Variants in MAPK9 observed in about 807,000 individuals in gnomAD.
MAPK9 encodes the protein mitogen-activated protein kinase 9, also known as Jun kinase.
A neutral mutation model predicts 57.1 loss-of-function variants in MAPK9; 30 were observed. The observed-to-expected ratio is 0.53, with a 90% CI of 0.39 to 0.71. The LOEUF is 0.71. Ranked by LOEUF, MAPK9 falls within the 30% of genes least tolerant of loss-of-function variation. The pLI is 0.00. For missense variants in MAPK9, 362 were observed against 521.0 expected (o/e 0.69, Z 2.97); for synonymous variants, 155 against 177.0 (o/e 0.88, Z 0.99).
chr5:180,275,640 A>T (rs1761741146), intron 2 of MAPK9, among the ~76,000 whole-genome samples: 1 of 152,108 alleles, frequency 6.6e-6, no homozygotes, highest in African/African-American at 2.4e-5. Flanking sequence ...TCACTAACTT[A>T]CTAGCTCTCT....
intron 5 of MAPK9, among the ~76,000 whole-genome samples, chr5:180,252,660 C>A (rs1274786270): frequency 6.6e-6 from 1 of 152,216 alleles, no homozygotes; most frequent in Non-Finnish European, 1.5e-5. Flanking sequence ...AGCGCCTCCG[C>A]TCCGGCTACA....
chr5:180,285,619 T>A (rs1762668865), intron 1 of MAPK9, among the ~76,000 whole-genome samples: 1 of 152,182 alleles, frequency 6.6e-6, no homozygotes, highest in Admixed American at 6.5e-5. Context: ...GACATTTTTT[T>A]CATTAAATTG....
chr5:180,287,108 C>G (rs1272350179), intron 1 of MAPK9: 1 of 152,194 alleles, frequency 6.6e-6, no homozygotes, highest in Non-Finnish European at 1.5e-5. Context: ...TAGATTAGTA[C>G]TTGCCAGCAG....
In MAPK9 at chr5:180,239,775, T is replaced by C. The variant is rs1004199269; in HGVS notation, c.1060+149A>G. On this transcript the variant is annotated intron_variant, in intron 10 of 11. Transcript: ENST00000452135. ...TAACTCTGTTCTCTTCAAGTTCATT[T>C]TCTACTGGAAACTGGGGAGAAAGAG... 1.1e-5 allele frequency: 8 copies of C among 701,394 alleles called. No homozygotes were observed. In the Admixed American group the frequency reaches 2.1e-4, roughly 19 times the overall value. The allele number at this position is 701,394 out of a possible 1,614,324, so 43.4% of individuals were successfully genotyped here.
chr5:180,268,054 G>A (rs138223485), intron 3 of MAPK9, among the ~76,000 whole-genome samples: 133 of 152,104 alleles, frequency 8.7e-4, no homozygotes, highest in African/African-American at 3.0e-3. Flanking sequence ...TCTATCTCCT[G>A]ACGTCATGAT....
At chr5:180,280,178 A>G (rs900032844) in intron 2 of MAPK9, 46 of 443,236 alleles carry the variant, frequency 1.0e-4, no homozygotes, top group Non-Finnish European at 1.7e-4. Flanking sequence ...AGGAGAAATG[A>G]AAAAAAAAAT....
chr5:180,264,955 C>G, intron 3 of MAPK9, 116 bp from the exon 4 acceptor site: 1 of 531,740 alleles, frequency 1.9e-6, no homozygotes, highest in African/African-American at 4.7e-5. Context: ...TTCAGTACTT[C>G]TTATTATTAC....
At chr5:180,267,552 A>ACTC (rs1760748327) in intron 3 of MAPK9, among the ~76,000 whole-genome samples, 1 of 125,252 alleles carries the variant, frequency 8.0e-6, no homozygotes, top group Non-Finnish European at 1.7e-5. Flanking sequence ...ACAGAGCGAG[A>ACTC]CTCCGTCTCA....
At chr5:180,241,969 A>T (rs1171086337) in intron 8 of MAPK9, among the ~76,000 whole-genome samples, 2 of 152,250 alleles carry the variant, frequency 1.3e-5, no homozygotes, top group East Asian at 3.8e-4. Flanking sequence ...CTAGCTGTAT[A>T]CAGTGCTGGC....
At chr5:180,262,888 C>CT (rs1354596463) in intron 4 of MAPK9, 71 of 152,516 alleles carry the variant, frequency 4.7e-4, no homozygotes, top group African/African-American at 1.6e-3. Flanking sequence ...TGTCCTGTCT[C>CT]TAACTTCTCG....
rs1554130688 is a variant in MAPK9, at chr5:180,291,970, C to CGCCGCCGCCGCCGCCG, written c.-171_-170insCGGCGGCGGCGGCGGC. 6.5e-6 allele frequency: 1 copy of CGCCGCCGCCGCCGCCG among 154,518 alleles called. No homozygotes were observed. The highest frequency in any genetic ancestry group is 2.5e-5 in the African/African-American group (1 of 40,564). 9.6% of individuals were successfully genotyped at this position (154,518 alleles called of 1,614,324 possible). A position where few individuals can be genotyped will look rare whatever the true frequency, so the allele number is the denominator to read the frequency against. ...GCCGGCCCGCCCCGCTCCGCTCCGC[C>CGCCGCCGCCGCCGCCG]CCGCCGCCGCCGCCGCCGCCGCCGC... is the stretch of plus-strand genomic sequence containing the variant. On this transcript the variant is annotated 5_prime_UTR_variant, in exon 1 of 12. Coordinates refer to ENST00000452135, the MANE Select transcript of MAPK9 (RefSeq NM_002752.5).
chr5:180,235,175 T>A lies in MAPK9; in HGVS notation c.*1209A>T, dbSNP rs960145074. The A allele has an allele frequency of 6.6e-6, 1 of 152,228 alleles. No homozygotes were observed. The highest frequency in any genetic ancestry group is 2.4e-5 in the African/African-American group (1 of 41,456). 9.4% of individuals were successfully genotyped at this position (152,228 alleles called of 1,614,324 possible). A position where few individuals can be genotyped will look rare whatever the true frequency, so the allele number is the denominator to read the frequency against. On this transcript the variant is annotated 3_prime_UTR_variant, in exon 12 of 12. Transcript: ENST00000452135. ...AATAGTTAATCATGACTCTTCAGGG[T>A]ATTTCCTTCACGTCCTCTGAAGAGT...
chr5:180,243,771 A>T (rs1385430781), intron 7 of MAPK9, among the ~76,000 whole-genome samples: 4 of 152,210 alleles, frequency 2.6e-5, no homozygotes, highest in Non-Finnish European at 5.9e-5. Flanking sequence ...CATATTGTCA[A>T]ATCAGAATTA....
intron 1 of MAPK9, chr5:180,287,165 G>A (rs941906813): frequency 6.6e-6 from 1 of 152,326 alleles, no homozygotes; most frequent in East Asian, 1.9e-4. Flanking sequence ...AAGGGGGTGG[G>A]ACAAGGAGAT....
chr5:180,257,110 C>T (rs1274648729), intron 5 of MAPK9, among the ~76,000 whole-genome samples: 1 of 152,150 alleles, frequency 6.6e-6, no homozygotes, highest in African/African-American at 2.4e-5. Context: ...TTTTAAAAAA[C>T]AGTACACTAG....
chr5:180,275,241 G>C (rs573867546), intron 2 of MAPK9, among the ~76,000 whole-genome samples: 15 of 152,166 alleles, frequency 9.9e-5, no homozygotes, highest in Admixed American at 7.2e-4. Context: ...TATCTAATAT[G>C]ATGCTGTCTT....
At chr5:180,282,841 G>A (rs1249002223) in intron 1 of MAPK9, among the ~76,000 whole-genome samples, 1 of 152,210 alleles carries the variant, frequency 6.6e-6, no homozygotes, top group Non-Finnish European at 1.5e-5. Flanking sequence ...GCACACTCAG[G>A]AGGAGGCCCT....
intron 3 of MAPK9, among the ~76,000 whole-genome samples, chr5:180,268,224 T>C (rs1201568652): frequency 1.3e-5 from 2 of 152,238 alleles, no homozygotes; most frequent in Non-Finnish European, 2.9e-5. Flanking sequence ...CTTCATTTTC[T>C]AGAAACATTA....
chr5:180,260,556 T>C (rs1303165286), intron 5 of MAPK9, among the ~76,000 whole-genome samples: 1 of 152,218 alleles, frequency 6.6e-6, no homozygotes, highest in South Asian at 2.1e-4. Flanking sequence ...TTCCACCTTA[T>C]TTAACACGAA....
Sources: gnomAD v4.1 joint callset for allele counts (sites outside exome capture counted in the v4.1 genomes callset) on GRCh38, gnomAD v4.1.1 for gene constraint, MANE v1.5 for transcripts, NCBI Gene and HGNC (gene_info 2026-07-23, HGNC 2026-07-21) for gene names.